The following SLC35F1 variants were observed in gnomAD, a reference collection of about 807,000 sequenced individuals.
SLC35F1 encodes solute carrier family 35 member F1.
SLC35F1 carries 14 observed loss-of-function variants against 48.7 expected under a neutral mutation model. The ratio of observed to expected loss-of-function variants is 0.29; its 90% CI spans 0.19 to 0.45. The LOEUF (loss-of-function observed/expected upper bound fraction) is 0.45. Among genes scored for constraint, SLC35F1 ranks in the 20% least tolerant of loss-of-function variants. The pLI, the probability that SLC35F1 is intolerant of heterozygous loss-of-function variation, is 1.00. For synonymous variants in SLC35F1, 190 were observed against 202.2 expected, an observed-to-expected ratio of 0.94 and a Z score of 0.51; for missense variants, 404 against 500.0, an observed-to-expected ratio of 0.81 and a Z score of 1.83.
chr6:118,053,281 A>G (rs1261790546), intron 1 of SLC35F1, among the ~76,000 whole-genome samples: 1 of 152,218 alleles, frequency 6.6e-6, no homozygotes, highest in Admixed American at 6.5e-5. Flanking sequence ...TAAGAAGACT[A>G]GAAATCTGGA....
At chr6:118,068,331 A>G (rs987908600) in intron 1 of SLC35F1, among the ~76,000 whole-genome samples, 3 of 152,230 alleles carry the variant, frequency 2.0e-5, no homozygotes, top group African/African-American at 7.2e-5. Context: ...GAATAAAGTT[A>G]GAGCAGCAGC....
At chr6:117,918,003 G>T (rs1251382576) in intron 1 of SLC35F1, among the ~76,000 whole-genome samples, 3 of 152,116 alleles carry the variant, frequency 2.0e-5, no homozygotes, top group Non-Finnish European at 4.4e-5. Flanking sequence ...GCAATAAGCA[G>T]TCCACTGTGC....
At chr6:118,071,058 T>TACGTAGAATATATATACTATGTGTATA (rs1477288603) in intron 1 of SLC35F1, among the ~76,000 whole-genome samples, 6 of 3,146 alleles carry the variant, frequency 1.9e-3, no homozygotes, top group South Asian at 0.013. Flanking sequence ...AGTATATATA[T>TACGTAGAATATATATACTATGTGTATA]TCTACGTATA....
chr6:117,919,522 C>T (rs982647), intron 1 of SLC35F1, among the ~76,000 whole-genome samples: 103,881 of 151,782 alleles, frequency 0.68, 36,652 homozygotes, highest in South Asian at 0.88. Flanking sequence ...AAATGCTGAC[C>T]GGCTTCCTCG....
intron 1 of SLC35F1, among the ~76,000 whole-genome samples, chr6:118,131,825 A>G (rs905960649): frequency 7.9e-5 from 12 of 151,822 alleles, no homozygotes; most frequent in Admixed American, 2.0e-4. Context: ...ATACATAAGT[A>G]TATATTAATA....
rs1774768194 is a variant in SLC35F1, at chr6:118,193,988, TTTTA to T, written c.349+39372_349+39375del. Among the ~76,000 whole-genome samples, 7 of 152,350 alleles carry T rather than the reference TTTTA, an allele frequency of 4.6e-5. No homozygotes were observed. In the South Asian group the frequency reaches 1.5e-3, roughly 32 times the overall value. On this transcript the variant is annotated intron_variant, in intron 2 of 7. Transcript: ENST00000360388. ...CACATGAACTAAAAGCCATTACAGTTTTTATTTTTCTTTCAAAATATTTGATTTA... is the reference window on the plus strand; with the variant it reads ...CACATGAACTAAAAGCCATTACAGTTTTTTTCTTTCAAAATATTTGATTTA...
intron 1 of SLC35F1, among the ~76,000 whole-genome samples, chr6:118,051,922 T>C (rs1772396720): frequency 6.6e-6 from 1 of 152,158 alleles, no homozygotes; most frequent in African/African-American, 2.4e-5. Flanking sequence ...AGGAAGTGCA[T>C]GGCCTCAATA....
intron 7 of SLC35F1, among the ~76,000 whole-genome samples, chr6:118,286,297 G>A (rs1300305400): frequency 6.6e-6 from 1 of 152,206 alleles, no homozygotes; most frequent in Non-Finnish European, 1.5e-5. Context: ...GCACTCGGGG[G>A]TGGCCAGATG....
chr6:118,284,530 T>G (rs1049309049), intron 6 of SLC35F1, among the ~76,000 whole-genome samples: 6 of 152,100 alleles, frequency 3.9e-5, no homozygotes, highest in Non-Finnish European at 7.4e-5. Context: ...AGCCCACATG[T>G]GAGAGTTCAC....
At chr6:118,231,481 G>A (rs1031086020) in intron 2 of SLC35F1, among the ~76,000 whole-genome samples, 7 of 152,126 alleles carry the variant, frequency 4.6e-5, no homozygotes, top group African/African-American at 1.7e-4. Context: ...CAGCATTAAT[G>A]GGAGTCATGT....
intron 3 of SLC35F1, among the ~76,000 whole-genome samples, chr6:118,253,396 A>T (rs944332270): frequency 2.6e-5 from 4 of 152,158 alleles, no homozygotes; most frequent in African/African-American, 9.7e-5. Flanking sequence ...ATCCATTTTG[A>T]TCGTGTTTGG....
chr6:117,987,667 G>A (rs1477379830), intron 1 of SLC35F1, among the ~76,000 whole-genome samples: 1 of 152,028 alleles, frequency 6.6e-6, no homozygotes, highest in Non-Finnish European at 1.5e-5. Flanking sequence ...GAAAAGAAAG[G>A]GAATGAATCT....
chr6:118,071,064 GTATATATACTA>G (rs1275078854), intron 1 of SLC35F1, among the ~76,000 whole-genome samples: 378 of 3,706 alleles, frequency 0.1, 5 homozygotes, highest in African/African-American at 0.2. Context: ...TATATTCTAC[GTATATATACTA>G]TGTGTATATA....
intron 1 of SLC35F1, among the ~76,000 whole-genome samples, chr6:117,940,260 C>T (rs1295329601): frequency 6.6e-6 from 1 of 152,134 alleles, no homozygotes; most frequent in African/African-American, 2.4e-5. Context: ...GTCTTCTATT[C>T]ACTGTTGGGG....
chr6:118,094,608 G>T (rs1179244454), intron 1 of SLC35F1, among the ~76,000 whole-genome samples: 1 of 152,122 alleles, frequency 6.6e-6, no homozygotes, highest in Non-Finnish European at 1.5e-5. Context: ...TAAGGTCAGA[G>T]AAAACCAGGA....
intron 7 of SLC35F1, among the ~76,000 whole-genome samples, chr6:118,291,242 T>TAC (rs10603708): frequency 0.016 from 2,384 of 148,546 alleles, 20 homozygotes; most frequent in East Asian, 0.021. Context: ...GTATCATGTA[T>TAC]ACACACACAC....
intron 1 of SLC35F1, among the ~76,000 whole-genome samples, chr6:118,101,737 G>A (rs1773260477): frequency 6.6e-6 from 1 of 152,146 alleles, no homozygotes; most frequent in South Asian, 2.1e-4. Context: ...TAAAGGGGTG[G>A]GCTCGAAGGG....
intron 1 of SLC35F1, among the ~76,000 whole-genome samples, chr6:118,089,119 T>A (rs541131039): frequency 1.3e-5 from 2 of 152,262 alleles, no homozygotes; most frequent in South Asian, 4.1e-4. Flanking sequence ...GATCTGCTGA[T>A]GGGTTGGATA....
At chr6:118,219,734 C>G (rs1051075572) in intron 2 of SLC35F1, among the ~76,000 whole-genome samples, 1 of 152,158 alleles carries the variant, frequency 6.6e-6, no homozygotes, top group Non-Finnish European at 1.5e-5. Context: ...TTTATTGCAG[C>G]AGTATTCACA....
Sources: allele counts gnomAD v4.1 joint callset (sites outside exome capture counted in the v4.1 genomes callset), GRCh38; gene constraint gnomAD v4.1.1; transcripts MANE v1.5; gene names NCBI Gene and HGNC (gene_info 2026-07-23, HGNC 2026-07-21).